The following IL1RAPL1 variants were observed in gnomAD, a reference collection of about 807,000 sequenced individuals.
IL1RAPL1 encodes the protein interleukin-1 receptor accessory protein-like 1.
IL1RAPL1 carries 3 observed loss-of-function variants against 48.4 expected under a neutral mutation model. The ratio of observed to expected loss-of-function variants is 0.06; its 90% CI spans 0.03 to 0.16. The LOEUF is 0.16. Ranked by LOEUF, IL1RAPL1 falls within the 10% of genes least tolerant of loss-of-function variation. IL1RAPL1 has a pLI of 1.00. For synonymous variants in IL1RAPL1, 185 were observed against 187.7 expected (o/e 0.99, Z 0.12); for missense variants, 349 against 530.6 (o/e 0.66, Z 3.36).
intron 3 of IL1RAPL1, among the ~76,000 whole-genome samples, chrX:29,350,191 TTATATATATATATATA>T (rs397897010): frequency 5.8e-4 from 23 of 39,424 alleles, no homozygotes; most frequent in African/African-American, 2.4e-3. Context: ...TACTGTTATT[TTATATATATATATATA>T]TATATATATA....
chrX:29,264,974 G>T (rs903210839), intron 2 of IL1RAPL1, among the ~76,000 whole-genome samples: 13 of 111,343 alleles, frequency 1.2e-4, no homozygotes, highest in African/African-American at 3.9e-4. Context: ...GTGCAGTGGC[G>T]CTATCTGGGC....
At chrX:28,755,245 C>T (rs1477887433) in intron 1 of IL1RAPL1, among the ~76,000 whole-genome samples, 1 of 111,958 alleles carries the variant, frequency 8.9e-6, no homozygotes, top group East Asian at 2.8e-4. Context: ...ATCCACCCGC[C>T]TTGGCCTCCC....
At chrX:29,154,190 G>C (rs932798908) in intron 2 of IL1RAPL1, among the ~76,000 whole-genome samples, 2 of 111,612 alleles carry the variant, frequency 1.8e-5, no homozygotes, top group Non-Finnish European at 3.8e-5. Flanking sequence ...GGTATTCCTA[G>C]TTCTCTCTAT....
At chrX:29,248,410 G>A (rs751287492) in intron 2 of IL1RAPL1, among the ~76,000 whole-genome samples, 44 of 111,371 alleles carry the variant, frequency 4.0e-4, no homozygotes, top group Admixed American at 1.5e-3. Context: ...GCGACAGAGC[G>A]AGACACCATT....
Position 28,739,620 on chromosome X carries a change from A to AATC in IL1RAPL1, c.-24-49699_-24-49697dup, listed in dbSNP as rs746153104. ...GAAGAGACAGGATTTTAATTCACAC[A>AATC]ATCTGCCTCCATGAAATCAATGTAC... On this transcript the variant is annotated intron_variant, in intron 1 of 10. Coordinates refer to ENST00000378993, the MANE Select transcript of IL1RAPL1 (RefSeq NM_014271.4). Among the ~76,000 whole-genome samples the AATC allele has an allele frequency of 2.7e-5, 3 of 111,685 alleles. No individual in the cohort carries two copies. In the Admixed American group the frequency reaches 2.9e-4, roughly 11 times the overall value.
chrX:29,276,518 C>T (rs1013507011), intron 2 of IL1RAPL1, among the ~76,000 whole-genome samples: 1 of 111,330 alleles, frequency 9.0e-6, no homozygotes, highest in Non-Finnish European at 1.9e-5. Context: ...TAGTTATAAG[C>T]GATTGTGTTA....
At chrX:29,083,394 G>A (rs749749238) in intron 2 of IL1RAPL1, among the ~76,000 whole-genome samples, 3 of 111,976 alleles carry the variant, frequency 2.7e-5, no homozygotes, top group Non-Finnish European at 5.6e-5. Flanking sequence ...TATTTAGGAT[G>A]CAATTATAAT....
At chrX:28,950,649 C>T (rs1029249699) in intron 2 of IL1RAPL1, among the ~76,000 whole-genome samples, 56 of 108,758 alleles carry the variant, frequency 5.1e-4, no homozygotes, top group Non-Finnish European at 9.5e-4. Context: ...TTGAAGAGGT[C>T]CTTCACACTT....
At chrX:28,700,914 T>C (rs1368189720) in intron 1 of IL1RAPL1, among the ~76,000 whole-genome samples, 1 of 111,973 alleles carries the variant, frequency 8.9e-6, no homozygotes, top group Non-Finnish European at 1.9e-5. Flanking sequence ...TAGTTTTCCA[T>C]GGTGTATATG....
intron 2 of IL1RAPL1, among the ~76,000 whole-genome samples, chrX:28,953,658 C>T (rs1159439715): frequency 1.8e-5 from 2 of 111,042 alleles, no homozygotes; most frequent in African/African-American, 6.5e-5. Flanking sequence ...AAATTTGTGT[C>T]TAAACTTTTT....
chrX:28,665,303 C>A (rs1934863509), intron 1 of IL1RAPL1, among the ~76,000 whole-genome samples: 1 of 110,921 alleles, frequency 9.0e-6, no homozygotes, highest in South Asian at 3.8e-4. Context: ...ATAGGGTTGG[C>A]AGATAAGTTA....
chrX:28,977,928 A>G (rs1286060028), intron 2 of IL1RAPL1, among the ~76,000 whole-genome samples: 1 of 111,759 alleles, frequency 8.9e-6, no homozygotes, highest in African/African-American at 3.3e-5. Context: ...ACGCCATTGC[A>G]CTCCAGCCTG....
chrX:29,268,355 TAAAG>T (rs774644264), intron 2 of IL1RAPL1, among the ~76,000 whole-genome samples: 6 of 111,964 alleles, frequency 5.4e-5, no homozygotes, highest in East Asian at 5.6e-4. Flanking sequence ...GTAATGGAAA[TAAAG>T]AAAGAGAATG....
chrX:28,976,991 C>T (rs5943581), intron 2 of IL1RAPL1, among the ~76,000 whole-genome samples: 1 of 112,287 alleles, frequency 8.9e-6, no homozygotes, highest in Non-Finnish European at 1.9e-5. Context: ...TGTTCTGTTA[C>T]AACTTTACTT....
intron 5 of IL1RAPL1, among the ~76,000 whole-genome samples, chrX:29,518,430 T>C (rs5926984): frequency 0.44 from 48,018 of 109,550 alleles, 7,756 homozygotes; most frequent in East Asian, 0.7. Context: ...AAAGAGTATA[T>C]GGCAAGTGAG....
intron 2 of IL1RAPL1, among the ~76,000 whole-genome samples, chrX:29,168,716 T>TACAATTGTATATATATATTCATATGC (rs1929843815): frequency 1.2e-5 from 1 of 86,283 alleles, no homozygotes; most frequent in African/African-American, 3.7e-5. Flanking sequence ...TATTCATATG[T>TACAATTGTATATATATATTCATATGC]ACAATTGTAT....
intron 8 of IL1RAPL1, among the ~76,000 whole-genome samples, chrX:29,925,455 G>GC (rs377558789): frequency 1.5e-4 from 10 of 66,415 alleles, no homozygotes; most frequent in Non-Finnish European, 2.7e-4. Context: ...TGCTGGGGGG[G>GC]GCTTCTCTGC....
chrX:28,929,731 T>C (rs1923832471), intron 2 of IL1RAPL1, among the ~76,000 whole-genome samples: 1 of 112,346 alleles, frequency 8.9e-6, no homozygotes, highest in South Asian at 3.7e-4. Flanking sequence ...TACCTATTTA[T>C]GTCAAAATGC....
Position 29,766,422 on chromosome X carries a change from T to C in IL1RAPL1, c.778+97918T>C, listed in dbSNP as rs1038989530. Among the ~76,000 whole-genome samples the C allele has an allele frequency of 3.6e-4, 35 of 96,064 alleles. 1 individual carries two copies. The Admixed American group carries it at 4.3e-3, about 12-fold the overall frequency. The allele number at this position is 96,064 out of a possible 115,157, so 83.4% of individuals were successfully genotyped here. On this transcript the variant is annotated intron_variant, in intron 6 of 10. Coordinates refer to ENST00000378993, the MANE Select transcript of IL1RAPL1 (RefSeq NM_014271.4). ...ATATATCCAAATATATATATATTTA[T>C]ATATCCAAATATATATATATTTATA...
Sources: gnomAD v4.1 joint callset for allele counts (sites outside exome capture counted in the v4.1 genomes callset) on GRCh38, gnomAD v4.1.1 for gene constraint, MANE v1.5 for transcripts, NCBI Gene and HGNC (gene_info 2026-07-23, HGNC 2026-07-21) for gene names.